PTPRQ: variants seen among roughly 807,000 people sequenced by gnomAD.
PTPRQ encodes phosphatidylinositol phosphatase PTPRQ.
In PTPRQ, 199 loss-of-function variants were observed where a neutral mutation model predicts 246.0. That is an observed-to-expected ratio of 0.81 (90% CI 0.72 to 0.91). The LOEUF (loss-of-function observed/expected upper bound fraction) is 0.91, where lower values mean the gene tolerates loss of function less well. Among genes scored for constraint, PTPRQ ranks in the 40% least tolerant of loss-of-function variants. The pLI is 0.00. For missense variants in PTPRQ, 2,624 were observed against 2,528.4 expected (o/e 1.04, Z -0.81); for synonymous variants, 869 against 853.2 (o/e 1.02, Z -0.32).
chr12:80,468,060 T>A (rs1893497758), intron 6 of PTPRQ, among the ~76,000 whole-genome samples: 1 of 152,128 alleles, frequency 6.6e-6, no homozygotes, highest in Non-Finnish European at 1.5e-5. Context: ...AAGGTGAAAT[T>A]TGCTAGACAA....
chr12:80,476,537 A>C (rs1297916884), intron 8 of PTPRQ, among the ~76,000 whole-genome samples: 3 of 152,202 alleles, frequency 2.0e-5, no homozygotes, highest in Admixed American at 6.5e-5. Flanking sequence ...AAAAAACTCA[A>C]TCTATTGGAT....
intron 17 of PTPRQ, among the ~76,000 whole-genome samples, chr12:80,517,522 TTTAG>T (rs1895342097): frequency 6.6e-6 from 1 of 152,106 alleles, no homozygotes; most frequent in African/African-American, 2.4e-5. Context: ...ATTATACTCT[TTTAG>T]TTATTTTATA....
At position 80,558,168 on chromosome 12, in the gene PTPRQ, C is replaced by CTTTTCTTTTCT. The variant is rs71094987; in HGVS notation, c.4285+8437_4285+8438insTCTTTTCTTTT. On this transcript the variant is annotated intron_variant, in intron 25 of 44. Transcript: ENST00000644991. ...CTTTTCTTTTCTTTTCTTTTCTTTT[C>CTTTTCTTTTCT]TTTCTTTTCTTTTCTTTTTGAAACA... 3.9e-3 allele frequency among the ~76,000 whole-genome samples: 138 copies of CTTTTCTTTTCT among 35,212 alleles called. 3 individuals carry two copies. Among genetic ancestry groups the CTTTTCTTTTCT allele is most frequent in the East Asian group, 0.028 (40 of 1,454 alleles). The allele number at this position is 35,212 out of a possible 152,430, so 23.1% of individuals were successfully genotyped here. A position where few individuals can be genotyped will look rare whatever the true frequency, so the allele number is the denominator to read the frequency against.
chr12:80,613,303 G>C (rs1178234288), intron 28 of PTPRQ, among the ~76,000 whole-genome samples: 1 of 150,670 alleles, frequency 6.6e-6, no homozygotes, highest in Non-Finnish European at 1.5e-5. Flanking sequence ...GGGTGACAAA[G>C]GGAGACCCTG....
chr12:80,471,427 TA>T (rs34836157), intron 7 of PTPRQ, among the ~76,000 whole-genome samples: 23,180 of 149,966 alleles, frequency 0.15, 2,008 homozygotes, highest in Middle Eastern at 0.19. Context: ...AAACTAGAAA[TA>T]TTTTCTAAAT....
At chr12:80,446,207 A>G (rs1274191664) in intron 3 of PTPRQ, among the ~76,000 whole-genome samples, 1 of 149,912 alleles carries the variant, frequency 6.7e-6, no homozygotes, top group Non-Finnish European at 1.5e-5. Context: ...TTGTATAATA[A>G]TTGCATATGG....
rs12302455 is a variant in PTPRQ at position 80,581,461 on chromosome 12, C to T, written c.4286-6668C>T. Reference sequence around the variant, plus strand: ...GACCAGCCTGGGTAACATGGCGCAACTCCATCTCTACAAAAAGTACGAAAT... The same window carrying T: ...GACCAGCCTGGGTAACATGGCGCAATTCCATCTCTACAAAAAGTACGAAAT... On this transcript the variant is annotated intron_variant, in intron 25 of 44. Transcript: ENST00000644991. 2.4e-3 allele frequency among the ~76,000 whole-genome samples: 358 copies of T among 152,164 alleles called. 2 individuals are homozygous for T. The highest frequency in any genetic ancestry group is 8.2e-3 in the African/African-American group (339 of 41,500).
At chr12:80,493,179 T>C (rs538331242) in intron 9 of PTPRQ, 96 bp from the exon 10 acceptor site, 1 of 1,283,490 alleles carries the variant, frequency 7.8e-7, no homozygotes, top group Non-Finnish European at 1.0e-6. Flanking sequence ...TATAACAGCA[T>C]GATTCCAAAG....
At chr12:80,478,056 T>A (rs761293180) in intron 8 of PTPRQ, among the ~76,000 whole-genome samples, 5 of 152,230 alleles carry the variant, frequency 3.3e-5, no homozygotes, top group Non-Finnish European at 7.3e-5. Flanking sequence ...CTTGCCTCTG[T>A]AGGCTCCACC....
At chr12:80,444,479 T>C (rs2120378388) in intron 1 of PTPRQ, 80 bp downstream of exon 1, 2 of 861,416 alleles carry the variant, frequency 2.3e-6, no homozygotes, top group Admixed American at 2.2e-5. Context: ...TTGTTCCTTG[T>C]GACAGTGAAC....
intron 27 of PTPRQ, among the ~76,000 whole-genome samples, chr12:80,608,380 T>C (rs928677944): frequency 6.6e-6 from 1 of 150,560 alleles, no homozygotes; most frequent in African/African-American, 2.4e-5. Context: ...GTAGTAGGTT[T>C]AATAAAGAAA....
At chr12:80,650,624 T>G (rs1900224970) in intron 37 of PTPRQ, among the ~76,000 whole-genome samples, 1 of 151,978 alleles carries the variant, frequency 6.6e-6, no homozygotes, top group African/African-American at 2.4e-5. Flanking sequence ...ATTAATGGTA[T>G]TTCCTGCAGC....
chr12:80,498,324 A>G (rs1318509957), intron 14 of PTPRQ, among the ~76,000 whole-genome samples: 1 of 152,224 alleles, frequency 6.6e-6, no homozygotes, highest in South Asian at 2.1e-4. Context: ...TTCTAAACTA[A>G]AGCAATACAT....
rs1895921709 is a variant in PTPRQ, at chr12:80,534,173, G to C, written c.2837G>C (p.Gly946Ala). 1 of 1,527,012 alleles carries C rather than the reference G, an allele frequency of 6.5e-7. No homozygotes were observed. Among genetic ancestry groups the C allele is most frequent in the African/African-American group, 1.4e-5 (1 of 71,878 alleles). The allele number at this position is 1,527,012 out of a possible 1,614,324, so 94.6% of individuals were successfully genotyped here. A position where few individuals can be genotyped will look rare whatever the true frequency, so the allele number is the denominator to read the frequency against. ...ATCATTAGCTTTCAAACACCAGAGGGAGGTGAGTTAAGGATGTATGCCAAT... is the reference window on the plus strand; with the variant it reads ...ATCATTAGCTTTCAAACACCAGAGGCAGGTGAGTTAAGGATGTATGCCAAT... ...SNIISFQTPE[G>A]APSDPPKDVY... is the part of the protein sequence containing the mutation. The change falls in exon 18 of 45, where the codon GGA becomes GCA. Residue 946 changes from glycine to alanine, a missense_variant and splice_region_variant. Coordinates refer to ENST00000644991, the MANE Select transcript of PTPRQ (RefSeq NM_001145026.2).
Position 80,496,423 on chromosome 12 carries a change from A to G in PTPRQ, c.2164A>G (p.Arg722Gly). 1 of 1,550,872 alleles carries G rather than the reference A, an allele frequency of 6.4e-7. No homozygotes were observed. Among genetic ancestry groups the G allele is most frequent in the South Asian group, 1.2e-5 (1 of 84,006 alleles). Residue 722 changes from arginine to glycine, a missense_variant, in exon 14 of 45, where the codon AGG (arginine) becomes GGG (glycine). Transcript: ENST00000644991. ...KNTSTTDIIL[R>G]NLRPHTLYNI... ...CACATCAACAACAGACATAATATTAAGGAACTTAAGACCTCACACCCTCTA... is the reference window on the plus strand; with the variant it reads ...CACATCAACAACAGACATAATATTAGGGAACTTAAGACCTCACACCCTCTA...
chr12:80,659,302 T>C (rs1900551678), intron 39 of PTPRQ, among the ~76,000 whole-genome samples: 1 of 152,048 alleles, frequency 6.6e-6, no homozygotes, highest in Admixed American at 6.6e-5. Context: ...AATCTTATGC[T>C]TACAATTTCC....
intron 35 of PTPRQ, among the ~76,000 whole-genome samples, chr12:80,639,722 T>C (rs1899786807): frequency 6.6e-6 from 1 of 152,184 alleles, no homozygotes; most frequent in Admixed American, 6.5e-5. Context: ...CAGAATACCT[T>C]TGGTATTGTT....
intron 37 of PTPRQ, among the ~76,000 whole-genome samples, chr12:80,651,356 G>A (rs963989757): frequency 1.3e-5 from 2 of 151,930 alleles, no homozygotes; most frequent in Non-Finnish European, 2.9e-5. Context: ...GATCAAATCT[G>A]TTTGTATATC....
Position 80,459,364 on chromosome 12 carries a change from C to T in PTPRQ, c.541C>T (p.Pro181Ser), listed in dbSNP as rs1893078025. ...VKLIWYLPRQ[P>S]NGKITSFKIS... The stretch of plus-strand genomic sequence containing the variant: ...GCTGATTTGGTATTTACCTCGGCAA[C>T]CAAATGGCAAAATTACCAGCTTCAA... The change falls in exon 5 of 45, where the codon CCA becomes TCA. Residue 181 changes from proline (P) to serine (S), a missense_variant. Transcript: ENST00000644991. The T allele has an allele frequency of 2.5e-6, 1 of 398,288 alleles. No homozygotes were observed. Among genetic ancestry groups the T allele is most frequent in the African/African-American group, 2.1e-5 (1 of 48,602 alleles). 24.7% of individuals were successfully genotyped at this position (398,288 alleles called of 1,614,324 possible). A position where few individuals can be genotyped will look rare whatever the true frequency, so the allele number is the denominator to read the frequency against.
Sources: allele counts gnomAD v4.1 joint callset (sites outside exome capture counted in the v4.1 genomes callset), GRCh38; gene constraint gnomAD v4.1.1; transcripts MANE v1.5; gene names NCBI Gene and HGNC (gene_info 2026-07-23, HGNC 2026-07-21).